TEKT4: variants seen among roughly 807,000 people sequenced by gnomAD.
TEKT4 encodes tektin 4, also known as tektin-4.
In TEKT4, 46 loss-of-function variants were observed where a neutral mutation model predicts 46.0. The observed-to-expected ratio is 1.00, with a 90% CI of 0.79 to 1.28. The LOEUF (loss-of-function observed/expected upper bound fraction) is 1.28, where lower values mean the gene tolerates loss of function less well. Among genes scored for constraint, TEKT4 ranks in the 50% most tolerant of loss-of-function variants. TEKT4 has a pLI of 0.00. For missense variants in TEKT4, 790 were observed against 622.9 expected (o/e 1.27, Z -2.85); for synonymous variants, 325 against 265.8 (o/e 1.22, Z -2.17).
chr2:94,874,918 G>A lies in TEKT4; in HGVS notation c.856G>A (p.Asp286Asn), dbSNP rs782097064. Residue 286 changes from aspartate (D) to asparagine (N), a missense_variant, in exon 4 of 6, where the codon GAC (aspartate) becomes AAC (asparagine). Transcript: ENST00000295201. ...CTCCGAGGACCTGCGGCTCCAGTGC[G>A]ACGCCGTGAACCTGGCCTTCGGGCG... is the stretch of plus-strand genomic sequence containing the variant. ...DTSEDLRLQCDAVNLAFGRRC... is the reference protein window; with the variant it reads ...DTSEDLRLQCNAVNLAFGRRC... 158 of 1,612,052 alleles carry A rather than the reference G, an allele frequency of 9.8e-5. No homozygotes were observed. The Admixed American group carries it at 1.6e-3, about 16-fold the overall frequency.
chr2:94,873,390 C>G (rs1478245162), intron 1 of TEKT4, 130 bp from the exon 2 acceptor site: 1 of 1,533,118 alleles, frequency 6.5e-7, no homozygotes, highest in Non-Finnish European at 8.8e-7. Context: ...AGAACTTACA[C>G]AGTCAGAGCT....
intron 5 of TEKT4, among the ~76,000 whole-genome samples, chr2:94,875,946 G>T (rs1225129927): frequency 2.0e-5 from 3 of 152,192 alleles, no homozygotes; most frequent in Admixed American, 6.5e-5. Context: ...ATGGGTCGGG[G>T]GGCTCCCAGT....
Position 94,873,609 on chromosome 2 carries a change from A to G in TEKT4, c.569+19A>G. On this transcript the variant is annotated intron_variant, in intron 2 of 5. Coordinates refer to ENST00000295201, the MANE Select transcript of TEKT4 (RefSeq NM_144705.4). The stretch of plus-strand genomic sequence containing the variant: ...AGATCCGGTGGGTAGAGGGCTGCCC[A>G]AGGGATGATTCCTGACCCTACCCAC... 3 of 1,613,458 alleles carry G rather than the reference A, an allele frequency of 1.9e-6. No individual in the cohort carries two copies. The highest frequency in any genetic ancestry group is 2.5e-6 in the Non-Finnish European group (3 of 1,179,914).
At chr2:94,873,715 C>G in intron 2 of TEKT4, 125 bp downstream of exon 2, 2 of 1,378,422 alleles carry the variant, frequency 1.5e-6, no homozygotes, top group Admixed American at 4.2e-5. Context: ...CACAGTGGAG[C>G]GCAGGACTGG....
rs1481376626 is a variant in TEKT4 at position 94,871,971 on chromosome 2, A to G, written c.392A>G (p.Asp131Gly). 42 of 1,601,610 alleles carry G rather than the reference A, an allele frequency of 2.6e-5. No homozygotes were observed. In the Middle Eastern group the frequency reaches 1.3e-3, roughly 50 times the overall value. Residue 131 changes from aspartate (D) to glycine (G), a missense_variant, in exon 1 of 6, where the codon GAC becomes GGC. Coordinates refer to ENST00000295201, the MANE Select transcript of TEKT4 (RefSeq NM_144705.4). ...AQKQRLERAL[D>G]ATEVPFSITT... is the part of the protein sequence containing the mutation. ...AAGCAACGGCTGGAGCGCGCCCTGG[A>G]CGCCACAGAGGTGCCCTTCTCCATC...
rs111552569 is a variant in TEKT4, at chr2:94,871,575, G to A, written c.-5G>A. 2 of 1,594,120 alleles carry A rather than the reference G, an allele frequency of 1.3e-6. No homozygotes were observed. Among genetic ancestry groups the A allele is most frequent in the South Asian group, 1.1e-5 (1 of 88,412 alleles). ...CTCCCCTGGCCCTGGTGGGCGGCAG[G>A]CACCATGGCGCAGACAGTGCCGCCC... On this transcript the variant is annotated 5_prime_UTR_variant, in exon 1 of 6. Coordinates refer to ENST00000295201, the MANE Select transcript of TEKT4 (RefSeq NM_144705.4).
Position 94,873,277 on chromosome 2 carries a change from G to A in TEKT4, c.499-243G>A. Reference sequence around the variant, plus strand: ...CCTGGGGCGTGGGAACTGCCGCTGAGGGACCTTCCCAGCAGCCCACAGAAG... The same window carrying A: ...CCTGGGGCGTGGGAACTGCCGCTGAAGGACCTTCCCAGCAGCCCACAGAAG... On this transcript the variant is annotated intron_variant, in intron 1 of 5. Coordinates refer to ENST00000295201, the MANE Select transcript of TEKT4 (RefSeq NM_144705.4). 6.5e-6 allele frequency: 9 copies of A among 1,376,588 alleles called. No homozygotes were observed. The South Asian group carries it at 9.2e-5, about 14-fold the overall frequency. 85.3% of individuals were successfully genotyped at this position (1,376,588 alleles called of 1,614,324 possible).
intron 1 of TEKT4, chr2:94,873,319 C>A (rs112704378): frequency 7.0e-7 from 1 of 1,429,498 alleles, no homozygotes; most frequent in Non-Finnish European, 9.2e-7. Flanking sequence ...GAGGAAAACA[C>A]CCCACTTACA....
intron 5 of TEKT4, among the ~76,000 whole-genome samples, chr2:94,876,147 G>A (rs1680842729): frequency 1.3e-5 from 2 of 152,200 alleles, no homozygotes; most frequent in Non-Finnish European, 2.9e-5. Context: ...TGCGCTACAG[G>A]CATAGATGTG....
chr2:94,872,370 C>A, intron 1 of TEKT4: 1 of 526,510 alleles, frequency 1.9e-6, no homozygotes, highest in Admixed American at 3.5e-5. Flanking sequence ...GGCACCTCCC[C>A]AGAGACCCTC....
At position 94,871,502 on chromosome 2, in the gene TEKT4, C is replaced by T. The variant is rs112736327; in HGVS notation, c.-78C>T. 117 of 1,456,744 alleles carry T rather than the reference C, an allele frequency of 8.0e-5. No homozygotes were observed. The South Asian group carries it at 1.1e-3, about 13-fold the overall frequency. The allele number at this position is 1,456,744 out of a possible 1,614,324, so 90.2% of individuals were successfully genotyped here. ...GGACTGAGCCGTTGGAGCTGCCCCG[C>T]TGACCGCACTAGGCTGACCGCAACC... is the stretch of plus-strand genomic sequence containing the variant. On this transcript the variant is annotated 5_prime_UTR_variant, in exon 1 of 6. Coordinates refer to ENST00000295201, the MANE Select transcript of TEKT4 (RefSeq NM_144705.4).
chr2:94,874,768 C>A lies in TEKT4; in HGVS notation c.714-8C>A. On this transcript the variant is annotated splice_polypyrimidine_tract_variant and splice_region_variant and intron_variant, in intron 3 of 5. Transcript: ENST00000295201. ...CCGACCCTCTCCTGGCTGTCCCCCG[C>A]CCCGCAGCGCCTCCACCCCGGAGAC... The A allele has an allele frequency of 3.2e-6, 5 of 1,557,866 alleles. No individual in the cohort carries two copies. Among genetic ancestry groups the A allele is most frequent in the Non-Finnish European group, 4.3e-6 (5 of 1,154,570 alleles).
At chr2:94,875,433 G>A (rs1285813375) in intron 4 of TEKT4, 155 bp from the exon 5 acceptor site, 9 of 630,444 alleles carry the variant, frequency 1.4e-5, no homozygotes, top group East Asian at 2.8e-4. Flanking sequence ...GGGGCCCCGT[G>A]CACATTGTTC....
chr2:94,871,949 C>G lies in TEKT4; in HGVS notation c.370C>G (p.Gln124Glu). The change falls in exon 1 of 6, where the codon CAA becomes GAA. Residue 124 changes from glutamine (Q) to glutamate (E), a missense_variant. Gln to Glu is a conservative substitution (Grantham distance 29). Coordinates refer to ENST00000295201, the MANE Select transcript of TEKT4 (RefSeq NM_144705.4). ...GACCAACTTGCTCCTGGCCCAGAAG[C>G]AACGGCTGGAGCGCGCCCTGGACGC... ...AETNLLLAQK[Q>E]RLERALDATE... is the part of the protein sequence containing the mutation. 1 of 1,601,834 alleles carries G rather than the reference C, an allele frequency of 6.2e-7. No individual in the cohort carries two copies. The highest frequency in any genetic ancestry group is 8.5e-7 in the Non-Finnish European group (1 of 1,177,806).
In TEKT4 at chr2:94,875,828, GCA is replaced by G. The variant is rs547520313; in HGVS notation, c.1091+93_1091+94del. The G allele has an allele frequency of 9.4e-3, 12,863 of 1,367,050 alleles. 85 individuals are homozygous for G. The highest frequency in any genetic ancestry group is 0.011 in the Non-Finnish European group (10,966 of 991,200). 84.7% of individuals were successfully genotyped at this position (1,367,050 alleles called of 1,614,324 possible). ...TCTCCAATAAACACTCCAACACCCC[GCA>G]CACACATCCCCCGCAGGTGCTGAGA... is the stretch of plus-strand genomic sequence containing the variant. On this transcript the variant is annotated intron_variant, in intron 5 of 5. Coordinates refer to ENST00000295201, the MANE Select transcript of TEKT4 (RefSeq NM_144705.4).
chr2:94,873,104 G>A (rs1320107539), intron 1 of TEKT4: 15 of 1,242,566 alleles, frequency 1.2e-5, no homozygotes, highest in Non-Finnish European at 1.5e-5. Context: ...TTGGTGTGAA[G>A]ATGGCCTTTC....
intron 1 of TEKT4, chr2:94,872,905 T>C (rs1444607608): frequency 7.0e-6 from 9 of 1,289,184 alleles, no homozygotes; most frequent in South Asian, 1.2e-5. Flanking sequence ...TGCCAACTGA[T>C]GGAGACACTG....
rs571314740 is a variant in TEKT4, at chr2:94,873,227, T to A, written c.499-293T>A. On this transcript the variant is annotated intron_variant, in intron 1 of 5. Transcript: ENST00000295201. ...GGCCAACGTTCCCAGGTGCACTGAG[T>A]GAGCAGCAGCGATGACTCCTGAAGC... 3.3e-4 allele frequency: 424 copies of A among 1,286,138 alleles called. 1 individual carries two copies. Among genetic ancestry groups the A allele is most frequent in the Non-Finnish European group, 4.1e-4 (410 of 1,006,760 alleles). The allele number at this position is 1,286,138 out of a possible 1,614,324, so 79.7% of individuals were successfully genotyped here. A position where few individuals can be genotyped will look rare whatever the true frequency, so the allele number is the denominator to read the frequency against.
chr2:94,873,723 T>C (rs1468819664), intron 2 of TEKT4, 133 bp downstream of exon 2: 16 of 1,335,808 alleles, frequency 1.2e-5, no homozygotes, highest in Non-Finnish European at 1.5e-5. Flanking sequence ...AGCGCAGGAC[T>C]GGGTGGGGGA....
Sources: allele counts gnomAD v4.1 joint callset (sites outside exome capture counted in the v4.1 genomes callset), GRCh38; gene constraint gnomAD v4.1.1; transcripts MANE v1.5; gene names NCBI Gene and HGNC (gene_info 2026-07-23, HGNC 2026-07-21).